Variants in MRPL23 observed in about 807,000 individuals in gnomAD.
MRPL23 encodes the protein large ribosomal subunit protein uL23m.
For synonymous variants in MRPL23, 12 were observed against 34.8 expected (o/e 0.35, Z 2.30); for missense variants, 25 against 81.3 (o/e 0.31, Z 2.66).
At chr11:1,971,335 A>C in intron 4 of MRPL23, among the ~76,000 whole-genome samples, 2 of 95,846 alleles carry the variant, frequency 2.1e-5, no homozygotes, top group African/African-American at 3.1e-5. Context: ...CACACCATCC[A>C]CCTCCTGACA....
At chr11:1,959,304 A>C (rs1361932686), downstream of MRPL23, among the ~76,000 whole-genome samples, 17 of 74,578 alleles carry the variant, frequency 2.3e-4, 4 homozygotes, top group Non-Finnish European at 4.3e-4. Context: ...TGGCCTCTCC[A>C]AGAGCCCTGC....
the MRPL23 span, among the ~76,000 whole-genome samples, chr11:1,992,667 C>T: frequency 1.8e-5 from 1 of 55,324 alleles, no homozygotes; most frequent in African/African-American, 4.8e-5. Context: ...TTTGCTTCTC[C>T]GCACTGAAGT....
At chr11:1,971,232 G>A (rs84000) in intron 4 of MRPL23, among the ~76,000 whole-genome samples, 18,598 of 87,326 alleles carry the variant, frequency 0.21, 3,858 homozygotes, top group Non-Finnish European at 0.33. Flanking sequence ...AGCCCAAGCC[G>A]CCAGCCCGAA....
the MRPL23 span, chr11:1,993,410 T>TC: frequency 2.2e-5 from 2 of 92,046 alleles, 1 homozygote; most frequent in Non-Finnish European, 5.8e-5. Context: ...GCCCGCCTTT[T>TC]CCCCCGGCCC....
rs145054565 is a variant in MRPL23, at chr11:1,950,563, G to A, written c.18-336G>A. ...CCTGCTGATAGCTACCCCGTTTCCC[G>A]CCCACCCCTGTTGTGAGTGGACACG... On this transcript the variant is annotated intron_variant, in intron 1 of 4. Coordinates refer to ENST00000397298, the MANE Select transcript of MRPL23 (RefSeq NM_021134.4). 2.7e-3 allele frequency among the ~76,000 whole-genome samples: 60 copies of A among 22,436 alleles called. 14 individuals are homozygous for A. The highest frequency in any genetic ancestry group is 5.6e-3 in the African/African-American group (58 of 10,444). The allele number at this position is 22,436 out of a possible 152,430, so 14.7% of individuals were successfully genotyped here.
intron 4 of MRPL23, among the ~76,000 whole-genome samples, chr11:1,971,360 G>A (rs72846755): frequency 0.047 from 4,872 of 102,910 alleles, 432 homozygotes; most frequent in South Asian, 0.074. Context: ...CTGGGCTCTG[G>A]TCCGGCCCAA....
intron 2 of MRPL23, 53 bp from the exon 3 acceptor site, chr11:1,952,073 AT>A: frequency 2.2e-5 from 4 of 184,870 alleles, no homozygotes; most frequent in African/African-American, 1.0e-4. Context: ...CTGGGACAGT[AT>A]TTTTGGCTTT....
rs976549282 is a variant in MRPL23 at position 1,953,549 on chromosome 11, A to T, written c.297+694A>T. Among the ~76,000 whole-genome samples, 2 of 97,868 alleles carry T rather than the reference A, an allele frequency of 2.0e-5. 1 individual carries two copies. Among genetic ancestry groups the T allele is most frequent in the Non-Finnish European group, 4.0e-5 (2 of 50,588 alleles). The allele number at this position is 97,868 out of a possible 152,430, so 64.2% of individuals were successfully genotyped here. A position where few individuals can be genotyped will look rare whatever the true frequency, so the allele number is the denominator to read the frequency against. ...GGCTCTTCATTTTGAGTCCCAGGCA[A>T]ACCCAGAGGCACTTTCTCTCTGGGC... On this transcript the variant is annotated intron_variant, in intron 4 of 4. Coordinates refer to ENST00000397298, the MANE Select transcript of MRPL23 (RefSeq NM_021134.4).
At chr11:1,989,186 G>A (rs1011588304), downstream of MRPL23, among the ~76,000 whole-genome samples, 7 of 101,368 alleles carry the variant, frequency 6.9e-5, 2 homozygotes, top group Non-Finnish European at 1.9e-4. Context: ...GCCTGGGGGC[G>A]GCTCCGTGGG....
At chr11:1,979,202 G>A (rs1354885563) in intron 5 of MRPL23, among the ~76,000 whole-genome samples, 1 of 141,618 alleles carries the variant, frequency 7.1e-6, no homozygotes, top group Non-Finnish European at 1.6e-5. Context: ...CTAGTCCTCT[G>A]GAGCCTGGAG....
chr11:1,994,461 G>A, the MRPL23 span, among the ~76,000 whole-genome samples: 4 of 93,830 alleles, frequency 4.3e-5, no homozygotes, highest in African/African-American at 1.1e-4. Flanking sequence ...GGGCCCTCCC[G>A]CTCCTCCTCA....
the MRPL23 span, chr11:1,992,204 A>G: frequency 4.1e-5 from 4 of 96,562 alleles, 2 homozygotes; most frequent in African/African-American, 5.6e-5. Context: ...ACTGGTCAGC[A>G]TGCAGAGACC....
downstream of MRPL23, among the ~76,000 whole-genome samples, chr11:1,960,062 G>A (rs894551067): frequency 2.6e-5 from 3 of 113,998 alleles, 1 homozygote; most frequent in Non-Finnish European, 5.7e-5. Context: ...GAGGGCCCTC[G>A]GGACCGCACC....
At position 1,954,684 on chromosome 11, in the gene MRPL23, A is replaced by AGCGCGGGAATGAAGGGC. The variant is rs201964373; in HGVS notation, c.298-1567_298-1551dup. ...CCCGAGGCTTGTGTGGATGCTGAGC[A>AGCGCGGGAATGAAGGGC]GCGCGGGAATGAAGGGCGCGCAGGA... is the stretch of plus-strand genomic sequence containing the variant. On this transcript the variant is annotated intron_variant, in intron 4 of 4. Transcript: ENST00000397298. Among the ~76,000 whole-genome samples the AGCGCGGGAATGAAGGGC allele has an allele frequency of 9.7e-5, 5 of 51,346 alleles. 2 individuals are homozygous for AGCGCGGGAATGAAGGGC. Among genetic ancestry groups the AGCGCGGGAATGAAGGGC allele is most frequent in the Non-Finnish European group, 1.7e-4 (3 of 17,940 alleles). 33.7% of individuals were successfully genotyped at this position (51,346 alleles called of 152,430 possible).
downstream of MRPL23, among the ~76,000 whole-genome samples, chr11:1,959,244 G>T (rs1001991253): frequency 8.2e-5 from 5 of 61,286 alleles, 2 homozygotes; most frequent in African/African-American, 2.5e-4. Flanking sequence ...GCAGAGGAGC[G>T]CGGAGCAGGC....
At chr11:1,960,014 G>A (rs887418212), downstream of MRPL23, among the ~76,000 whole-genome samples, 1 of 121,270 alleles carries the variant, frequency 8.2e-6, no homozygotes, top group African/African-American at 2.8e-5. Flanking sequence ...GTGATGCAAG[G>A]CCCAGGCAGT....
At chr11:1,983,612 C>T (rs1312963748) in intron 5 of MRPL23, 2 of 133,870 alleles carry the variant, frequency 1.5e-5, no homozygotes, top group African/African-American at 2.7e-5. Context: ...GAGGGGGTGT[C>T]CCAGCCCCAG....
At chr11:1,991,746 C>A in the MRPL23 span, among the ~76,000 whole-genome samples, 1 of 120,478 alleles carries the variant, frequency 8.3e-6, no homozygotes, top group East Asian at 2.5e-4. Context: ...GCCCTTGGCT[C>A]TGAGTGCTCA....
At chr11:1,966,996 TC>T (rs936648878), downstream of MRPL23, among the ~76,000 whole-genome samples, 3 of 24,782 alleles carry the variant, frequency 1.2e-4, no homozygotes, top group African/African-American at 3.3e-4. Flanking sequence ...GACAGGCTGG[TC>T]CCCAGTGAGG....
Sources: gnomAD v4.1 joint callset for allele counts (sites outside exome capture counted in the v4.1 genomes callset) on GRCh38, gnomAD v4.1.1 for gene constraint, MANE v1.5 for transcripts, NCBI Gene and HGNC (gene_info 2026-07-23, HGNC 2026-07-21) for gene names.